Variants in SPEN observed in about 807,000 individuals in gnomAD.
The protein encoded by SPEN is msx2-interacting protein.
In SPEN, 18 loss-of-function variants were observed where a neutral mutation model predicts 269.9. That is an observed-to-expected ratio of 0.07 (90% CI 0.05 to 0.10). The LOEUF (loss-of-function observed/expected upper bound fraction) is 0.10, where lower values mean the gene tolerates loss of function less well. SPEN is among the 10% of genes least tolerant of loss of function. SPEN has a pLI of 1.00. For synonymous variants in SPEN, 1,726 were observed against 1,765.7 expected (o/e 0.98, Z 0.56); for missense variants, 3,822 against 4,631.2 (o/e 0.83, Z 5.07).
At position 15,935,338 on chromosome 1, in the gene SPEN, C is replaced by T. The variant is rs747592629; in HGVS notation, c.9098C>T (p.Pro3033Leu). ...AHSPRPSGPG[P>L]SSFPRASHPS... ...TCTCCTCGACCAAGTGGACCCGGGC[C>T]ATCCTCATTCCCAAGGGCAAGCCAC... The change falls in exon 11 of 15, where the codon CCA becomes CTA. Residue 3033 changes from proline to leucine, a missense_variant. This residue lies in a region of SPEN where 94 missense variants were observed against 90.4 expected (regional missense o/e 1.04). Coordinates refer to ENST00000375759, the MANE Select transcript of SPEN (RefSeq NM_015001.3). The surrounding 1 kb of genome is among the most constrained non-coding windows in gnomAD (Gnocchi z 7.7). 1.2e-6 allele frequency: 2 copies of T among 1,614,120 alleles called. No homozygotes were observed. The highest frequency in any genetic ancestry group is 4.5e-5 in the East Asian group (2 of 44,878).
In SPEN at chr1:15,928,438, G is replaced by A. The variant is rs779692614; in HGVS notation, c.2198G>A (p.Arg733His). The A allele has an allele frequency of 7.4e-6, 12 of 1,614,034 alleles. No individual in the cohort carries two copies. Among genetic ancestry groups the A allele is most frequent in the African/African-American group, 4.0e-5 (3 of 74,922 alleles). The change falls in exon 11 of 15, where the codon CGT becomes CAT. Residue 733 changes from arginine (R) to histidine (H), a missense_variant. By Grantham distance (29) the Arg-to-His change is conservative. This residue lies in a region of SPEN where 572 missense variants were observed against 582.6 expected (regional missense o/e 0.98). Transcript: ENST00000375759. This position sits in a 1 kb window ranked among gnomAD's most constrained non-coding sequence, Gnocchi z 5.7. Reference protein sequence around the residue: ...ERSQSPVHLRRPQSPGASPSQ... With the variant: ...ERSQSPVHLRHPQSPGASPSQ... ...AGTCAAAGTCCTGTTCACTTGCGAC[G>A]TCCACAGAGTCCTGGAGCGTCTCCC...
intron 1 of SPEN, among the ~76,000 whole-genome samples, chr1:15,869,775 C>T (rs1281227899): frequency 6.6e-5 from 10 of 152,010 alleles, no homozygotes; most frequent in African/African-American, 2.4e-4. Flanking sequence ...TTACAGGTAG[C>T]CTAGCCAAAC....
chr1:15,918,102 A>G (rs531500364), intron 6 of SPEN, among the ~76,000 whole-genome samples: 3 of 152,238 alleles, frequency 2.0e-5, no homozygotes, highest in South Asian at 2.1e-4. Flanking sequence ...TCAGTAACCT[A>G]TCTGGGCTCC....
intron 6 of SPEN, among the ~76,000 whole-genome samples, chr1:15,916,817 G>T (rs2071071276): frequency 6.6e-6 from 1 of 152,172 alleles, no homozygotes. Flanking sequence ...ATCTGGAAGA[G>T]AAAAATGTTT....
chr1:15,865,750 C>T (rs1055684311), intron 1 of SPEN, among the ~76,000 whole-genome samples: 2 of 151,934 alleles, frequency 1.3e-5, no homozygotes, highest in African/African-American at 2.4e-5. Context: ...TTTGTTGGGG[C>T]GTCTCTTTCC....
At position 15,931,821 on chromosome 1, in the gene SPEN, G is replaced by C; in HGVS notation, c.5581G>C (p.Glu1861Gln). The change falls in exon 11 of 15, where the codon GAA (glutamate) becomes CAA (glutamine). Residue 1861 changes from glutamate (E) to glutamine (Q), a missense_variant. Glu to Gln is a conservative substitution (Grantham distance 29, BLOSUM62 2). Transcript: ENST00000375759. The surrounding 1 kb of genome is among the most constrained non-coding windows in gnomAD (Gnocchi z 4.8). Reference protein sequence around the residue: ...KLKRSNSPRGEAQKLLELKME... With the variant: ...KLKRSNSPRGQAQKLLELKME... ...CAAGCGGTCCAATTCTCCTCGGGGA[G>C]AAGCACAGAAGCTTTTGGAATTGAA... 1 of 1,614,244 alleles carries C rather than the reference G, an allele frequency of 6.2e-7. No individual in the cohort carries two copies. Among genetic ancestry groups the C allele is most frequent in the Non-Finnish European group, 8.5e-7 (1 of 1,180,048 alleles).
chr1:15,879,796 G>C (rs758865115), intron 3 of SPEN, among the ~76,000 whole-genome samples: 1 of 151,774 alleles, frequency 6.6e-6, no homozygotes, highest in African/African-American at 2.4e-5. Context: ...TCAGCCTCTC[G>C]AGTAGCTGGG....
rs35841965 is a variant in SPEN at position 15,894,533 on chromosome 1, G to GTTTTTTTTTTTTTT, written c.882-14786_882-14785insTTTTTTTTTTTTTT. The stretch of plus-strand genomic sequence containing the variant: ...TAGATCCTAAAACTACCATATTATG[G>GTTTTTTTTTTTTTT]TTGTTTTTTTTTTTTTTTTTTTTTT... On this transcript the variant is annotated intron_variant, in intron 3 of 14. Transcript: ENST00000375759. 2.1e-4 allele frequency among the ~76,000 whole-genome samples: 29 copies of GTTTTTTTTTTTTTT among 136,002 alleles called. 2 individuals are homozygous for GTTTTTTTTTTTTTT. Among genetic ancestry groups the GTTTTTTTTTTTTTT allele is most frequent in the African/African-American group, 8.6e-4 (29 of 33,676 alleles). 89.2% of individuals were successfully genotyped at this position (136,002 alleles called of 152,430 possible).
At chr1:15,891,690 A>C (rs1041724974) in intron 3 of SPEN, among the ~76,000 whole-genome samples, 7 of 151,204 alleles carry the variant, frequency 4.6e-5, no homozygotes, top group African/African-American at 1.7e-4. Flanking sequence ...GGGTCTCGCT[A>C]TGTTGCCCAG....
intron 3 of SPEN, among the ~76,000 whole-genome samples, chr1:15,890,324 C>T (rs565583066): frequency 4.6e-5 from 7 of 151,908 alleles, no homozygotes; most frequent in South Asian, 2.1e-4. Flanking sequence ...CTCTGCCTCC[C>T]GGGTTCAAGC....
At position 15,937,170 on chromosome 1, in the gene SPEN, C is replaced by A. The variant is rs35291379; in HGVS notation, c.10034C>A (p.Pro3345His). 4 of 1,610,444 alleles carry A rather than the reference C, an allele frequency of 2.5e-6. No homozygotes were observed. The highest frequency in any genetic ancestry group is 2.5e-6 in the Non-Finnish European group (3 of 1,177,648). Residue 3345 changes from proline (P) to histidine (H), a missense_variant, in exon 12 of 15, where the codon CCT becomes CAT. Physicochemically the swap from Pro to His is moderately conservative, Grantham distance 77. Transcript: ENST00000375759. The surrounding 1 kb of genome is among the most constrained non-coding windows in gnomAD (Gnocchi z 5.7). ...CTTCCTTCCCTACACCAGGGCCCTC[C>A]TCCTGAAGGTGAGCCCCTGCAGCCT... ...SRTKTAAQGP[P>H]PEGEPLQPPQ...
rs1465890567 is a variant in SPEN, at chr1:15,936,154, A to C, written c.9914A>C (p.Glu3305Ala). 1 of 1,610,814 alleles carries C rather than the reference A, an allele frequency of 6.2e-7. No homozygotes were observed. The highest frequency in any genetic ancestry group is 1.3e-5 in the African/African-American group (1 of 74,864). Residue 3305 changes from glutamate to alanine, a missense_variant, in exon 11 of 15, where the codon GAG becomes GCG. Glu to Ala is a moderately radical substitution (Grantham distance 107, BLOSUM62 -1). Coordinates refer to ENST00000375759, the MANE Select transcript of SPEN (RefSeq NM_015001.3). ...CACTCCAGCGGGGAGCTGTTTCAAGAGTACCGGTACGGCGACATCCGCACC... is the reference window on the plus strand; with the variant it reads ...CACTCCAGCGGGGAGCTGTTTCAAGCGTACCGGTACGGCGACATCCGCACC... ...IVHSSGELFQEYRYGDIRTYH... is the reference protein window; with the variant it reads ...IVHSSGELFQAYRYGDIRTYH...
Position 15,935,943 on chromosome 1 carries a change from A to G in SPEN, c.9703A>G (p.Lys3235Glu). 6.2e-7 allele frequency: 1 copy of G among 1,609,740 alleles called. No individual in the cohort carries two copies. ...TCAGCAGCCAGGGAAGGAAGCTGCC[A>G]AGACACCAGATGCCAAAGCTGCCCC... ...APQQPGKEAA[K>E]TPDAKAAPTP... is the part of the protein sequence containing the mutation. The change falls in exon 11 of 15, where the codon AAG (lysine) becomes GAG (glutamate). Residue 3235 changes from lysine to glutamate, a missense_variant. By Grantham distance (56) the Lys-to-Glu change is moderately conservative. Around this residue, in one of 16 missense-constraint regions of SPEN, gnomAD observed 359 missense variants for 377.3 expected, o/e 0.95. Coordinates refer to ENST00000375759, the MANE Select transcript of SPEN (RefSeq NM_015001.3). The surrounding 1 kb of genome is among the most constrained non-coding windows in gnomAD (Gnocchi z 7.7).
At position 15,847,880 on chromosome 1, in the gene SPEN, A is replaced by G. The variant is rs981045154; in HGVS notation, c.-188A>G. ...CGGCAGAGCTGAGCTGCGAGGCCCGAGAGTCAGAACCTGGGGGAGAGGGAT... is the reference window on the plus strand; with the variant it reads ...CGGCAGAGCTGAGCTGCGAGGCCCGGGAGTCAGAACCTGGGGGAGAGGGAT... On this transcript the variant is annotated 5_prime_UTR_variant, in exon 1 of 15. Coordinates refer to ENST00000375759, the MANE Select transcript of SPEN (RefSeq NM_015001.3). 3 of 283,852 alleles carry G rather than the reference A, an allele frequency of 1.1e-5. No individual in the cohort carries two copies. The highest frequency in any genetic ancestry group is 6.7e-5 in the African/African-American group (3 of 45,044). 17.6% of individuals were successfully genotyped at this position (283,852 alleles called of 1,614,324 possible).
At position 15,932,760 on chromosome 1, in the gene SPEN, G is replaced by T; in HGVS notation, c.6520G>T (p.Ala2174Ser). Residue 2174 changes from alanine to serine, a missense_variant, in exon 11 of 15, where the codon GCC becomes TCC. Coordinates refer to ENST00000375759, the MANE Select transcript of SPEN (RefSeq NM_015001.3). This position sits in a 1 kb window ranked among gnomAD's most constrained non-coding sequence, Gnocchi z 4.2. ...AGCCAAGCAGATGGAGCTGGAGCAG[G>T]CCGTGGAACACATCGCAAAGCTCGC... Reference protein sequence around the residue: ...QLAKQMELEQAVEHIAKLAEA... With the variant: ...QLAKQMELEQSVEHIAKLAEA... The T allele has an allele frequency of 6.2e-7, 1 of 1,614,200 alleles. No homozygotes were observed. Among genetic ancestry groups the T allele is most frequent in the South Asian group, 1.1e-5 (1 of 91,086 alleles).
At chr1:15,923,732 C>G (rs1451941139) in intron 10 of SPEN, among the ~76,000 whole-genome samples, 5 of 149,960 alleles carry the variant, frequency 3.3e-5, no homozygotes, top group Non-Finnish European at 5.9e-5. Flanking sequence ...TGCAGTGATG[C>G]GATATTGGCT....
intron 6 of SPEN, among the ~76,000 whole-genome samples, chr1:15,918,212 GATATC>G (rs2071083074): frequency 6.6e-6 from 1 of 152,144 alleles, no homozygotes; most frequent in African/African-American, 2.4e-5. Context: ...AATCTTCTCA[GATATC>G]ATATTTTATT....
chr1:15,855,791 A>AG (rs1254292407), intron 1 of SPEN, among the ~76,000 whole-genome samples: 4 of 151,254 alleles, frequency 2.6e-5, no homozygotes, highest in African/African-American at 9.7e-5. Context: ...TGAACCCAGG[A>AG]GGTGGAGGGT....
intron 1 of SPEN, among the ~76,000 whole-genome samples, chr1:15,854,410 A>G (rs1357917935): frequency 1.3e-5 from 2 of 152,170 alleles, no homozygotes; most frequent in South Asian, 2.1e-4. Context: ...ACAGCTACAC[A>G]TATTTTGAAT....
Sources: allele counts gnomAD v4.1 joint callset (sites outside exome capture counted in the v4.1 genomes callset), GRCh38; gene constraint gnomAD v4.1.1; regional missense constraint gnomAD v4.1.1; non-coding constraint Gnocchi (gnomAD v3.1); transcripts MANE v1.5; gene names NCBI Gene and HGNC (gene_info 2026-07-23, HGNC 2026-07-21).